Variants in XPO6 observed in about 807,000 individuals in gnomAD.
The protein encoded by XPO6 is exportin-6.
Under a neutral mutation model 130.0 loss-of-function variants are expected in XPO6, and 3 were observed. The ratio of observed to expected loss-of-function variants is 0.02; its 90% confidence interval spans 0.01 to 0.06. The LOEUF is 0.06. XPO6 is among the 10% of genes least tolerant of loss of function. XPO6 has a pLI of 1.00. For synonymous variants in XPO6, 524 were observed against 548.9 expected (o/e 0.95, Z 0.63); for missense variants, 970 against 1,393.0 (o/e 0.70, Z 4.83).
intron 1 of XPO6, among the ~76,000 whole-genome samples, chr16:28,185,198 A>G (rs901183563): frequency 2.0e-5 from 3 of 152,120 alleles, no homozygotes; most frequent in Non-Finnish European, 4.4e-5. Context: ...AATTTTAACA[A>G]CAACAACAAA....
intron 8 of XPO6, among the ~76,000 whole-genome samples, chr16:28,149,065 A>T (rs1240103626): frequency 6.7e-6 from 1 of 150,368 alleles, no homozygotes; most frequent in African/African-American, 2.5e-5. Flanking sequence ...AAATAAAAAA[A>T]AAAAAAAACA....
intron 9 of XPO6, among the ~76,000 whole-genome samples, chr16:28,139,655 G>A (rs1018563443): frequency 1.3e-5 from 2 of 152,110 alleles, no homozygotes; most frequent in Non-Finnish European, 2.9e-5. Context: ...AATCTATATG[G>A]TGGTAAGGTT....
At chr16:28,121,032 A>G (rs543699376) in intron 14 of XPO6, among the ~76,000 whole-genome samples, 3 of 152,200 alleles carry the variant, frequency 2.0e-5, no homozygotes, top group Non-Finnish European at 4.4e-5. Flanking sequence ...GGGCAGTGAA[A>G]TCTCTGGGAT....
chr16:28,156,726 G>A (rs1299393497), intron 6 of XPO6, among the ~76,000 whole-genome samples, 199 bp from the exon 7 acceptor site: 1 of 152,036 alleles, frequency 6.6e-6, no homozygotes, highest in African/African-American at 2.4e-5. Flanking sequence ...GCAAAAATAA[G>A]ATAATTGATT....
Position 28,176,114 on chromosome 16 carries a change from T to C in XPO6, c.208-19A>G. The C allele has an allele frequency of 3.1e-6, 5 of 1,612,972 alleles. No homozygotes were observed. The highest frequency in any genetic ancestry group is 1.3e-5 in the African/African-American group (1 of 74,960). Reference sequence around the variant, plus strand: ...TCAGATTCTGAAAAACAAATATACATCTTTTAAGTTAACAACCTATACACA... The same window carrying C: ...TCAGATTCTGAAAAACAAATATACACCTTTTAAGTTAACAACCTATACACA... On this transcript the variant is annotated intron_variant, in intron 3 of 23. Coordinates refer to ENST00000304658, the MANE Select transcript of XPO6 (RefSeq NM_015171.4).
intron 1 of XPO6, among the ~76,000 whole-genome samples, chr16:28,191,477 T>C (rs2043786062): frequency 6.6e-6 from 1 of 152,138 alleles, no homozygotes; most frequent in African/African-American, 2.4e-5. Context: ...CTGGGCACAT[T>C]AACACAAGGC....
At chr16:28,174,045 C>CAAGACTTA in intron 4 of XPO6, among the ~76,000 whole-genome samples, 1 of 152,072 alleles carries the variant, frequency 6.6e-6, no homozygotes, top group Non-Finnish European at 1.5e-5. Flanking sequence ...TTCCTGTCTC[C>CAAGACTTA]AGTGGGCTTC....
intron 9 of XPO6, among the ~76,000 whole-genome samples, chr16:28,138,661 C>T (rs1291866283): frequency 6.6e-6 from 1 of 152,136 alleles, no homozygotes; most frequent in Non-Finnish European, 1.5e-5. Flanking sequence ...TCAAGGACAA[C>T]ATCTCCCCTG....
chr16:28,210,693 A>G (rs1178644301), intron 1 of XPO6, among the ~76,000 whole-genome samples: 1 of 152,222 alleles, frequency 6.6e-6, no homozygotes, highest in Non-Finnish European at 1.5e-5. Flanking sequence ...ATCGGTCTAG[A>G]AAACGTGGAA....
At chr16:28,178,878 C>G (rs1354957303) in intron 2 of XPO6, among the ~76,000 whole-genome samples, 1 of 151,942 alleles carries the variant, frequency 6.6e-6, no homozygotes, top group Non-Finnish European at 1.5e-5. Context: ...ACTATCCTGG[C>G]CAACATGGCG....
intron 8 of XPO6, among the ~76,000 whole-genome samples, chr16:28,150,919 G>A (rs948440117): frequency 1.3e-5 from 2 of 152,042 alleles, no homozygotes; most frequent in Middle Eastern, 3.4e-3. Flanking sequence ...CTATGACCTC[G>A]GCACGGCTCT....
intron 8 of XPO6, among the ~76,000 whole-genome samples, chr16:28,151,179 TAA>T (rs57769506): frequency 2.1e-4 from 22 of 106,776 alleles, no homozygotes; most frequent in African/African-American, 7.1e-4. Flanking sequence ...CACTAGTGGT[TAA>T]AAAAAAAAAA....
intron 9 of XPO6, among the ~76,000 whole-genome samples, chr16:28,136,081 T>C (rs1349391832): frequency 2.0e-5 from 3 of 152,216 alleles, no homozygotes; most frequent in Non-Finnish European, 2.9e-5. Context: ...TATCAATATT[T>C]TTCTGATGAG....
chr16:28,111,904 C>T lies in XPO6; in HGVS notation c.2254G>A (p.Ala752Thr), dbSNP rs534087965. 11 of 1,614,014 alleles carry T rather than the reference C, an allele frequency of 6.8e-6. No individual in the cohort carries two copies. Among genetic ancestry groups the T allele is most frequent in the East Asian group, 2.2e-5 (1 of 44,892 alleles). ...CGGGAGAGTGCAGAGATGAGGCTGGCGTGGTTGATGGAGCGCACGGGCCAC... is the reference window on the plus strand; with the variant it reads ...CGGGAGAGTGCAGAGATGAGGCTGGTGTGGTTGATGGAGCGCACGGGCCAC... ...QQWPVRSINH[A>T]SLISALSRDY... Residue 752 changes from alanine to threonine, a missense_variant, in exon 17 of 24, where the codon GCC becomes ACC. Ala to Thr is a moderately conservative substitution (Grantham distance 58). Around this residue, in one of 4 missense-constraint regions of XPO6, gnomAD observed 936 missense variants for 1,306.8 expected, o/e 0.72. Transcript: ENST00000304658.
At chr16:28,114,253 A>G (rs1233366075) in intron 15 of XPO6, among the ~76,000 whole-genome samples, 2 of 151,968 alleles carry the variant, frequency 1.3e-5, no homozygotes, top group Non-Finnish European at 2.9e-5. Context: ...GTTGCTGTAC[A>G]TATGTAAAGG....
In XPO6 at chr16:28,150,605, T is replaced by C. The variant is rs1293049972; in HGVS notation, c.1224+2054A>G. Among the ~76,000 whole-genome samples, 4 of 152,272 alleles carry C rather than the reference T, an allele frequency of 2.6e-5. No individual in the cohort carries two copies. The South Asian group carries it at 6.2e-4, about 24-fold the overall frequency. ...AATCAGGCATAAGACATGCCTACTT[T>C]AAAAGATGTTTCACTTTCTTCTATA... On this transcript the variant is annotated intron_variant, in intron 8 of 23. Coordinates refer to ENST00000304658, the MANE Select transcript of XPO6 (RefSeq NM_015171.4).
At chr16:28,166,431 C>T in intron 6 of XPO6, 77 bp downstream of exon 6, 3 of 1,488,462 alleles carry the variant, frequency 2.0e-6, no homozygotes, top group Non-Finnish European at 2.7e-6. Context: ...GTACTGAGGA[C>T]TACAGTTGCA....
intron 1 of XPO6, among the ~76,000 whole-genome samples, chr16:28,202,564 G>A (rs1440462667): frequency 6.6e-6 from 1 of 152,178 alleles, no homozygotes; most frequent in Non-Finnish European, 1.5e-5. Context: ...GGAAGCAGGG[G>A]GGCGCTATAG....
chr16:28,135,759 A>G (rs1596850065), intron 9 of XPO6, among the ~76,000 whole-genome samples: 1 of 152,216 alleles, frequency 6.6e-6, no homozygotes, highest in Admixed American at 6.5e-5. Context: ...GCTTTAAAAA[A>G]TCTGTTCTCT....
Sources: gnomAD v4.1 joint callset for allele counts (sites outside exome capture counted in the v4.1 genomes callset) on GRCh38, gnomAD v4.1.1 for gene constraint, gnomAD v4.1.1 regional missense constraint, MANE v1.5 for transcripts, NCBI Gene and HGNC (gene_info 2026-07-23, HGNC 2026-07-21) for gene names.